Variants in ADAMTSL1 observed in about 807,000 individuals in gnomAD.
ADAMTSL1 encodes ADAMTS like 1, also known as ADAMTS-like protein 1.
In ADAMTSL1, 126 loss-of-function variants were observed where a neutral mutation model predicts 201.8. The observed-to-expected ratio is 0.62, with a 90% CI of 0.54 to 0.72. The LOEUF (loss-of-function observed/expected upper bound fraction) is 0.72, where lower values mean the gene tolerates loss of function less well. ADAMTSL1 is among the 30% of genes least tolerant of loss of function. The probability of loss-of-function intolerance (pLI) is 0.00; values close to 1 mark genes in which losing one functional copy is unlikely to be tolerated. For missense variants in ADAMTSL1, 2,679 were observed against 2,277.8 expected (o/e 1.18, Z -3.59); for synonymous variants, 1,121 against 903.4 (o/e 1.24, Z -4.32).
At chr9:18,705,436 T>C (rs2133324462) in intron 13 of ADAMTSL1, among the ~76,000 whole-genome samples, 1 of 152,296 alleles carries the variant, frequency 6.6e-6, no homozygotes, top group Admixed American at 6.5e-5. Flanking sequence ...ATGGCCACGG[T>C]TGATTAATGA....
rs1024044751 is a variant in ADAMTSL1, at chr9:18,505,980, T to A, written c.191+1024T>A. Among the ~76,000 whole-genome samples, 14 of 152,308 alleles carry A rather than the reference T, an allele frequency of 9.2e-5. No homozygotes were observed. The South Asian group carries it at 2.9e-3, about 32-fold the overall frequency. ...TAGAAGCCCGATAGATGGTTCTTCA[T>A]TGAAACATGAAAGACCATTTTGGCT... On this transcript the variant is annotated intron_variant, in intron 2 of 28. Coordinates refer to ENST00000380548, the MANE Select transcript of ADAMTSL1 (RefSeq NM_001040272.6).
intron 23 of ADAMTSL1, among the ~76,000 whole-genome samples, chr9:18,886,234 A>T (rs1293350933): frequency 6.1e-5 from 9 of 146,434 alleles, no homozygotes; most frequent in African/African-American, 2.2e-4. Context: ...ATATACATAC[A>T]TACAAGTATA....
At chr9:18,431,269 G>A (rs554781101) in intron 2 of ADAMTSL1, among the ~76,000 whole-genome samples, 4 of 152,322 alleles carry the variant, frequency 2.6e-5, no homozygotes, top group Non-Finnish European at 4.4e-5. Context: ...TGCAGATGCA[G>A]TAGAGTGCTG....
intron 2 of ADAMTSL1, among the ~76,000 whole-genome samples, chr9:18,291,630 C>A (rs1356471501): frequency 6.6e-6 from 1 of 151,882 alleles, no homozygotes; most frequent in South Asian, 2.1e-4. Context: ...TTCTTGCCCA[C>A]CATTATAATC....
intron 1 of ADAMTSL1, among the ~76,000 whole-genome samples, chr9:18,131,605 C>T (rs2187452): frequency 5.3e-5 from 8 of 152,220 alleles, no homozygotes; most frequent in Admixed American, 2.0e-4. Flanking sequence ...CTTCCATAGA[C>T]TGACAAGGAC....
intron 1 of ADAMTSL1, among the ~76,000 whole-genome samples, chr9:17,932,219 C>A (rs2811821): frequency 0.96 from 146,720 of 152,246 alleles, 70,815 homozygotes; most frequent in East Asian, 1. Context: ...GTACTTGATT[C>A]TGTTTTTAGC....
chr9:18,822,009 C>A (rs1158974398), intron 21 of ADAMTSL1, among the ~76,000 whole-genome samples: 3 of 152,158 alleles, frequency 2.0e-5, no homozygotes, highest in Admixed American at 6.5e-5. Flanking sequence ...TTTTACTGAT[C>A]CTTTCAAGCA....
chr9:18,138,295 T>C (rs1351400832), intron 1 of ADAMTSL1, among the ~76,000 whole-genome samples: 3 of 152,154 alleles, frequency 2.0e-5, no homozygotes. Flanking sequence ...GTTTCAGGTT[T>C]TAAACCAGAT....
chr9:18,656,248 T>TA (rs1828651625), intron 7 of ADAMTSL1, among the ~76,000 whole-genome samples: 1 of 151,928 alleles, frequency 6.6e-6, no homozygotes, highest in Non-Finnish European at 1.5e-5. Flanking sequence ...ATCCACTTGT[T>TA]AAATTAAGTA....
intron 4 of ADAMTSL1, among the ~76,000 whole-genome samples, chr9:18,611,848 T>A (rs1204554928): frequency 6.6e-6 from 1 of 152,224 alleles, no homozygotes; most frequent in Non-Finnish European, 1.5e-5. Context: ...CCACAGAGGC[T>A]GCCGAAGTTC....
chr9:17,978,867 A>G (rs1054248986), intron 1 of ADAMTSL1, among the ~76,000 whole-genome samples: 6 of 152,150 alleles, frequency 3.9e-5, no homozygotes, highest in Non-Finnish European at 8.8e-5. Context: ...GGCTAGTGAC[A>G]ATAAACTCCT....
chr9:18,395,405 T>A (rs557993170), intron 2 of ADAMTSL1, among the ~76,000 whole-genome samples: 10 of 152,304 alleles, frequency 6.6e-5, no homozygotes, highest in African/African-American at 2.2e-4. Context: ...ATAAAATAAA[T>A]GCACATGCTT....
At chr9:18,659,307 T>G (rs1828911657) in intron 8 of ADAMTSL1, among the ~76,000 whole-genome samples, 1 of 152,242 alleles carries the variant, frequency 6.6e-6, no homozygotes, top group South Asian at 2.1e-4. Context: ...AACAAACTAC[T>G]GAAAAATGTG....
chr9:18,514,026 A>C (rs1241050973), intron 2 of ADAMTSL1, among the ~76,000 whole-genome samples: 1 of 152,132 alleles, frequency 6.6e-6, no homozygotes, highest in Admixed American at 6.6e-5. Flanking sequence ...TTTCTATAAT[A>C]ATCAGTTACT....
intron 25 of ADAMTSL1, chr9:18,890,492 C>G (rs1199534113): frequency 1.3e-5 from 6 of 455,872 alleles, no homozygotes; most frequent in South Asian, 1.5e-5. Context: ...TCAAATGCCC[C>G]TTTACTACCT....
intron 2 of ADAMTSL1, among the ~76,000 whole-genome samples, chr9:18,253,634 G>A (rs528377188): frequency 4.2e-4 from 64 of 152,262 alleles, no homozygotes; most frequent in Middle Eastern, 3.4e-3. Flanking sequence ...AGGGGAAAAT[G>A]CTTCTTTCTA....
At chr9:18,041,064 C>T (rs1821407690) in intron 1 of ADAMTSL1, among the ~76,000 whole-genome samples, 1 of 152,140 alleles carries the variant, frequency 6.6e-6, no homozygotes, top group South Asian at 2.1e-4. Context: ...TCTCAGTTAA[C>T]CACATAAAAA....
intron 4 of ADAMTSL1, among the ~76,000 whole-genome samples, chr9:18,586,084 G>A (rs1823470164): frequency 6.6e-6 from 1 of 152,126 alleles, no homozygotes; most frequent in Admixed American, 6.6e-5. Flanking sequence ...GGAAGTGCTG[G>A]CCAGAGCAAT....
chr9:18,662,011 C>G lies in ADAMTSL1; in HGVS notation c.1023C>G (p.Tyr341Ter). The G allele has an allele frequency of 2.5e-6, 4 of 1,614,072 alleles. No individual in the cohort carries two copies. Among genetic ancestry groups the G allele is most frequent in the Non-Finnish European group, 3.4e-6 (4 of 1,179,956 alleles). Residue 341 changes from tyrosine to a stop codon, truncating the protein, a stop_gained, in exon 9 of 29, where the codon TAC becomes TAG. Coordinates refer to ENST00000380548, the MANE Select transcript of ADAMTSL1 (RefSeq NM_001040272.6). LOFTEE classifies it high-confidence loss of function. The stretch of plus-strand genomic sequence containing the variant: ...TTGCTGACCAATACTGTCACTATTA[C>G]CCAGAGAACATCAAACCCAAACCCA... Reference protein sequence around the residue: ...RVVADQYCHYYPENIKPKPKL... With the variant: ...RVVADQYCHY
Sources: gnomAD v4.1 joint callset for allele counts (sites outside exome capture counted in the v4.1 genomes callset) on GRCh38, gnomAD v4.1.1 for gene constraint, MANE v1.5 for transcripts, NCBI Gene and HGNC (gene_info 2026-07-23, HGNC 2026-07-21) for gene names.